Variants in ACTR3C observed in about 807,000 individuals in gnomAD.
ACTR3C encodes the protein actin-related protein 3C.
In ACTR3C, 18 loss-of-function variants were observed where a neutral mutation model predicts 26.3. That is an observed-to-expected ratio of 0.68 (90% CI 0.47 to 1.01). The LOEUF (loss-of-function observed/expected upper bound fraction) is 1.01. Among genes scored for constraint, ACTR3C ranks in the 50% least tolerant of loss-of-function variants. The probability of loss-of-function intolerance (pLI) is 0.00; values close to 1 mark genes in which losing one functional copy is unlikely to be tolerated. For missense variants in ACTR3C, 184 were observed against 250.7 expected (o/e 0.73, Z 1.80); for synonymous variants, 55 against 94.5 (o/e 0.58, Z 2.42).
At chr7:150,315,431 T>C (rs895799066) in intron 1 of ACTR3C, among the ~76,000 whole-genome samples, 8 of 152,106 alleles carry the variant, frequency 5.3e-5, no homozygotes, top group African/African-American at 1.7e-4. Context: ...CAACCCAATA[T>C]TGAACAGCAC....
At chr7:150,127,468 C>T in the ACTR3C span, among the ~76,000 whole-genome samples, 3 of 151,946 alleles carry the variant, frequency 2.0e-5, no homozygotes, top group Non-Finnish European at 4.4e-5. Flanking sequence ...ACGGCTTAAC[C>T]TTTCTAGACT....
chr7:150,063,878 A>G, the ACTR3C span, among the ~76,000 whole-genome samples: 1 of 152,098 alleles, frequency 6.6e-6, no homozygotes, highest in African/African-American at 2.4e-5. Flanking sequence ...TTGGCACGCT[A>G]TGTCCCCCCT....
the ACTR3C span, among the ~76,000 whole-genome samples, chr7:150,069,478 A>G: frequency 6.6e-6 from 1 of 152,114 alleles, no homozygotes; most frequent in Non-Finnish European, 1.5e-5. Context: ...AGCGGGTGAA[A>G]CTCATTAAAC....
At chr7:150,042,196 C>T in the ACTR3C span, among the ~76,000 whole-genome samples, 2 of 21,362 alleles carry the variant, frequency 9.4e-5, 1 homozygote, top group Non-Finnish European at 1.8e-4. Context: ...CCTCCCCCCC[C>T]CTGCGATGAG....
chr7:150,066,947 A>C, the ACTR3C span, among the ~76,000 whole-genome samples: 3 of 152,226 alleles, frequency 2.0e-5, no homozygotes, highest in Non-Finnish European at 4.4e-5. Flanking sequence ...TTTCCAAATA[A>C]GAACTGTGAT....
chr7:150,230,975 T>C, the ACTR3C span, among the ~76,000 whole-genome samples: 1 of 152,180 alleles, frequency 6.6e-6, no homozygotes, highest in Non-Finnish European at 1.5e-5. Context: ...TGTTTTCCTG[T>C]TTTAGATATT....
chr7:150,043,027 G>C, the ACTR3C span, among the ~76,000 whole-genome samples: 11 of 151,674 alleles, frequency 7.3e-5, no homozygotes, highest in East Asian at 7.7e-4. Context: ...ATACTGCAAA[G>C]TTTGGGATCC....
At chr7:150,285,876 T>C (rs1197647513) in intron 5 of ACTR3C, among the ~76,000 whole-genome samples, 4 of 152,208 alleles carry the variant, frequency 2.6e-5, no homozygotes, top group Non-Finnish European at 5.9e-5. Flanking sequence ...ATTATCTAAA[T>C]AATAGAAATG....
At chr7:150,082,609 G>T in the ACTR3C span, among the ~76,000 whole-genome samples, 7 of 152,230 alleles carry the variant, frequency 4.6e-5, no homozygotes, top group African/African-American at 1.7e-4. Context: ...TGCCCAGCTG[G>T]TTCCATGGAT....
chr7:150,111,633 C>A, the ACTR3C span, among the ~76,000 whole-genome samples: 5 of 111,778 alleles, frequency 4.5e-5, no homozygotes, highest in African/African-American at 1.6e-4. Context: ...CACAGTCACA[C>A]CCTCTCCTGC....
the ACTR3C span, among the ~76,000 whole-genome samples, chr7:149,894,901 A>G: frequency 6.6e-6 from 1 of 152,030 alleles, no homozygotes; most frequent in African/African-American, 2.4e-5. Flanking sequence ...TATCCAAAGG[A>G]AATGAAATCA....
At chr7:150,157,812 A>G in the ACTR3C span, among the ~76,000 whole-genome samples, 1 of 152,178 alleles carries the variant, frequency 6.6e-6, no homozygotes, top group East Asian at 1.9e-4. Context: ...CCATTCAGTC[A>G]TCAATCCCGC....
the ACTR3C span, among the ~76,000 whole-genome samples, chr7:149,924,205 G>A: frequency 1.0e-4 from 15 of 147,798 alleles, no homozygotes; most frequent in African/African-American, 3.8e-4. Flanking sequence ...GTGGAAGCCC[G>A]TCTCTACTAA....
chr7:149,988,348 T>C, the ACTR3C span, among the ~76,000 whole-genome samples: 2 of 152,214 alleles, frequency 1.3e-5, no homozygotes, highest in Non-Finnish European at 1.5e-5. Context: ...CATGGAAGGA[T>C]ATCTGCTTGT....
intron 5 of ACTR3C, among the ~76,000 whole-genome samples, 184 bp from the exon 6 acceptor site, chr7:150,285,029 C>T (rs1835659549): frequency 6.6e-6 from 1 of 152,200 alleles, no homozygotes; most frequent in Admixed American, 6.5e-5. Flanking sequence ...GGTGATGACA[C>T]ATTTCTCCTC....
At chr7:150,023,338 C>CATACATAG in the ACTR3C span, among the ~76,000 whole-genome samples, 556 of 45,724 alleles carry the variant, frequency 0.012, 5 homozygotes, top group East Asian at 0.019. Flanking sequence ...TACATACATA[C>CATACATAG]ATATATATTT....
chr7:150,230,834 C>T, the ACTR3C span, among the ~76,000 whole-genome samples: 2 of 151,974 alleles, frequency 1.3e-5, no homozygotes, highest in Non-Finnish European at 2.9e-5. Context: ...AGCTATGACC[C>T]TGTTTTCATT....
At chr7:150,194,944 A>C in the ACTR3C span, among the ~76,000 whole-genome samples, 1 of 151,948 alleles carries the variant, frequency 6.6e-6, no homozygotes, top group Non-Finnish European at 1.5e-5. Flanking sequence ...AAATACAAAA[A>C]TTAGCCGAGA....
the ACTR3C span, among the ~76,000 whole-genome samples, chr7:149,981,699 G>A: frequency 5.9e-5 from 9 of 151,950 alleles, no homozygotes; most frequent in East Asian, 1.5e-3. Context: ...TCTGATGACC[G>A]CAGCACTGTT....
Sources: allele counts gnomAD v4.1 joint callset (sites outside exome capture counted in the v4.1 genomes callset), GRCh38; gene constraint gnomAD v4.1.1; transcripts MANE v1.5; gene names NCBI Gene and HGNC (gene_info 2026-07-23, HGNC 2026-07-21).